The following AHR variants were observed in gnomAD, a reference collection of about 807,000 sequenced individuals.
AHR encodes the protein aryl hydrocarbon receptor.
A neutral mutation model predicts 86.8 loss-of-function variants in AHR; 40 were observed. The observed-to-expected ratio is 0.46, with a 90% CI of 0.36 to 0.60. AHR has a LOEUF of 0.60. AHR is among the 20% of genes least tolerant of loss of function. The probability of loss-of-function intolerance (pLI) is 0.00; values close to 1 mark genes in which losing one functional copy is unlikely to be tolerated. For synonymous variants in AHR, 398 were observed against 354.9 expected (o/e 1.12, Z -1.37); for missense variants, 1,001 against 1,011.6 (o/e 0.99, Z 0.14).
At chr7:17,302,814 T>C (rs930827213) in intron 1 of AHR, among the ~76,000 whole-genome samples, 1 of 151,210 alleles carries the variant, frequency 6.6e-6, no homozygotes, top group Non-Finnish European at 1.5e-5. Flanking sequence ...AAAAAAAATA[T>C]ATATATATAT....
chr7:17,302,985 C>T (rs1407463886), intron 1 of AHR, among the ~76,000 whole-genome samples: 2 of 151,984 alleles, frequency 1.3e-5, no homozygotes, highest in East Asian at 3.8e-4. Flanking sequence ...TGCTACTTCA[C>T]TGGTGAATAA....
Position 17,315,733 on chromosome 7 carries a change from G to T in AHR, c.253+5610G>T, listed in dbSNP as rs535198106. Among the ~76,000 whole-genome samples, 10 of 151,734 alleles carry T rather than the reference G, an allele frequency of 6.6e-5. No individual in the cohort carries two copies. In the South Asian group the frequency reaches 2.1e-3, roughly 32 times the overall value. On this transcript the variant is annotated intron_variant, in intron 2 of 10. Coordinates refer to ENST00000242057, the MANE Select transcript of AHR (RefSeq NM_001621.5). ...GAAATGTACACCTTCATGTTATAGTGTTTTATAAAACATATTCATATATAA... is the reference window on the plus strand; with the variant it reads ...GAAATGTACACCTTCATGTTATAGTTTTTTATAAAACATATTCATATATAA...
At chr7:17,309,201 G>A (rs946743264) in intron 1 of AHR, among the ~76,000 whole-genome samples, 1 of 152,074 alleles carries the variant, frequency 6.6e-6, no homozygotes. Context: ...TTAGGGTTCC[G>A]TTGAACTTTC....
At chr7:17,305,754 A>G (rs148839513) in intron 1 of AHR, among the ~76,000 whole-genome samples, 71 of 152,330 alleles carry the variant, frequency 4.7e-4, no homozygotes, top group Non-Finnish European at 9.8e-4. Flanking sequence ...AATGAATATT[A>G]TATAAAACAG....
chr7:17,338,403 T>C (rs202177658), intron 9 of AHR, among the ~76,000 whole-genome samples: 2 of 152,180 alleles, frequency 1.3e-5, no homozygotes, highest in East Asian at 1.9e-4. Flanking sequence ...TCACCTATGC[T>C]GGAATGCAGT....
rs1311206150 is a variant in AHR at position 17,342,973 on chromosome 7, A to G, written c.2456A>G (p.Asn819Ser). 6.2e-7 allele frequency: 1 copy of G among 1,613,534 alleles called. No homozygotes were observed. Among genetic ancestry groups the G allele is most frequent in the Non-Finnish European group, 8.5e-7 (1 of 1,179,574 alleles). ...ETYPAELNNINNTQTTTHLQP... is the reference protein window; with the variant it reads ...ETYPAELNNISNTQTTTHLQP... ...TATCCAGCTGAATTAAATAACATAA[A>G]TAACACTCAGACTACCACACATCTT... The change falls in exon 11 of 11, where the codon AAT (asparagine) becomes AGT (serine). Residue 819 changes from asparagine to serine, a missense_variant. Physicochemically the swap from Asn to Ser is conservative, Grantham distance 46. Around this residue, in one of 2 missense-constraint regions of AHR, gnomAD observed 607 missense variants for 543.1 expected, o/e 1.12. Transcript: ENST00000242057.
intron 4 of AHR, among the ~76,000 whole-genome samples, chr7:17,329,260 A>G (rs547207440): frequency 6.6e-6 from 1 of 152,086 alleles, no homozygotes; most frequent in South Asian, 2.1e-4. Context: ...TATAGAATAC[A>G]CAGTGTTATC....
chr7:17,299,416 C>T lies in AHR; in HGVS notation c.65+87C>T, dbSNP rs575322628. 5.6e-3 allele frequency: 8,106 copies of T among 1,451,294 alleles called. 35 individuals carry two copies. Among genetic ancestry groups the T allele is most frequent in the Non-Finnish European group, 6.6e-3 (7,007 of 1,065,452 alleles). The allele number at this position is 1,451,294 out of a possible 1,614,324, so 89.9% of individuals were successfully genotyped here. ...GGCAGCCCCACCCCGCCCCCAAATC[C>T]CTGCGATCCTGGGATTAGGTCCATT... is the stretch of plus-strand genomic sequence containing the variant. On this transcript the variant is annotated intron_variant, in intron 1 of 10. Transcript: ENST00000242057.
chr7:17,319,287 T>C (rs1782146515), intron 2 of AHR, among the ~76,000 whole-genome samples: 1 of 152,100 alleles, frequency 6.6e-6, no homozygotes, highest in South Asian at 2.1e-4. Context: ...GTACATGTTA[T>C]TTTAATCCTC....
chr7:17,339,955 A>C lies in AHR; in HGVS notation c.2130A>C (p.Gln710His), dbSNP rs762558104. 1.7e-5 allele frequency: 27 copies of C among 1,614,066 alleles called. No individual in the cohort carries two copies. Among genetic ancestry groups the C allele is most frequent in the Non-Finnish European group, 1.6e-5 (19 of 1,180,032 alleles). Residue 710 changes from glutamine to histidine, a missense_variant, in exon 10 of 11, where the codon CAA (glutamine) becomes CAC (histidine). By Grantham distance (24) the Gln-to-His change is conservative (BLOSUM62 0). Coordinates refer to ENST00000242057, the MANE Select transcript of AHR (RefSeq NM_001621.5). ...FISCNQPVLP[Q>H]HSKCTELDYP... ...CCTGTAATCAGCCTGTATTACCACAACATTCCAAATGTACAGAGCTGGACT... is the reference window on the plus strand; with the variant it reads ...CCTGTAATCAGCCTGTATTACCACACCATTCCAAATGTACAGAGCTGGACT...
rs553785497 is a variant in AHR, at chr7:17,298,889, C to G, written c.-376C>G. On this transcript the variant is annotated 5_prime_UTR_variant, in exon 1 of 11. Transcript: ENST00000242057. ...TCACGGGGCGCGGCGCCACCGTGAG[C>G]GACCCAGGCCAGGATTCTAAATAGA... is the stretch of plus-strand genomic sequence containing the variant. 3.4e-3 allele frequency: 1,360 copies of G among 398,528 alleles called. 12 individuals are homozygous for G. Among genetic ancestry groups the G allele is most frequent in the African/African-American group, 0.021 (1,015 of 48,646 alleles). The allele number at this position is 398,528 out of a possible 1,614,324, so 24.7% of individuals were successfully genotyped here.
chr7:17,310,141 A>C lies in AHR; in HGVS notation c.253+18A>C, dbSNP rs117645168. The C allele has an allele frequency of 3.7e-6, 6 of 1,602,000 alleles. No homozygotes were observed. The highest frequency in any genetic ancestry group is 5.1e-6 in the Non-Finnish European group (6 of 1,169,870). On this transcript the variant is annotated intron_variant, in intron 2 of 10. Transcript: ENST00000242057. ...CTTTGATGGTAAGACAGAAGGGTTTAATTTGTCTACAATAACGTATAAAAA... is the reference window on the plus strand; with the variant it reads ...CTTTGATGGTAAGACAGAAGGGTTTCATTTGTCTACAATAACGTATAAAAA...
rs1041199058 is a variant in AHR at position 17,298,966 on chromosome 7, G to A, written c.-299G>A. On this transcript the variant is annotated 5_prime_UTR_variant, in exon 1 of 11. Transcript: ENST00000242057. ...CCGCCTCACCTGCGGGCATTGCCGC[G>A]CCGCCTCCGCCGGTGTAGACGGCAC... The A allele has an allele frequency of 2.3e-6, 1 of 439,482 alleles. No homozygotes were observed. The highest frequency in any genetic ancestry group is 6.5e-5 in the South Asian group (1 of 15,352). 27.2% of individuals were successfully genotyped at this position (439,482 alleles called of 1,614,324 possible).
intron 1 of AHR, among the ~76,000 whole-genome samples, chr7:17,307,931 C>G (rs1277536315): frequency 6.6e-6 from 1 of 152,172 alleles, no homozygotes; most frequent in Non-Finnish European, 1.5e-5. Context: ...TCATTTTACT[C>G]ATGTCTGTCC....
intron 9 of AHR, among the ~76,000 whole-genome samples, chr7:17,337,040 A>C (rs1161535316): frequency 6.6e-6 from 1 of 152,052 alleles, no homozygotes; most frequent in Non-Finnish European, 1.5e-5. Flanking sequence ...ATCTTTTGCT[A>C]TCTTATTTTT....
chr7:17,338,528 A>T (rs2115369228), intron 9 of AHR, among the ~76,000 whole-genome samples: 1 of 151,640 alleles, frequency 6.6e-6, no homozygotes, highest in Non-Finnish European at 1.5e-5. Context: ...GCTAGTTTTT[A>T]TTTTTTTGTA....
In AHR at chr7:17,339,652, A is replaced by T; in HGVS notation, c.1827A>T (p.Ser609=). ...AGCAACAGTCCTTGGCTCTGAACTCAAGCTGTATGGTACAGGAACACCTAC... is the reference window on the plus strand; with the variant it reads ...AGCAACAGTCCTTGGCTCTGAACTCTAGCTGTATGGTACAGGAACACCTAC... ...YQQQQSLALN[S]SCMVQEHLHL... The change falls in exon 10 of 11, where the codon TCA becomes TCT. Residue 609 remains serine (S), a synonymous_variant. Coordinates refer to ENST00000242057, the MANE Select transcript of AHR (RefSeq NM_001621.5). The T allele has an allele frequency of 6.2e-7, 1 of 1,614,110 alleles. No homozygotes were observed. Among genetic ancestry groups the T allele is most frequent in the Non-Finnish European group, 8.5e-7 (1 of 1,180,024 alleles).
At chr7:17,317,118 T>TTTA (rs1313751240) in intron 2 of AHR, among the ~76,000 whole-genome samples, 1 of 148,974 alleles carries the variant, frequency 6.7e-6, no homozygotes, top group Non-Finnish European at 1.5e-5. Flanking sequence ...AGAATTTTGT[T>TTTA]TTTTTTTTTT....
intron 2 of AHR, among the ~76,000 whole-genome samples, chr7:17,318,093 T>C (rs917361682): frequency 6.6e-6 from 1 of 152,108 alleles, no homozygotes. Context: ...TTAATTGAAT[T>C]TATAGCAGCA....
Sources: gnomAD v4.1 joint callset for allele counts (sites outside exome capture counted in the v4.1 genomes callset) on GRCh38, gnomAD v4.1.1 for gene constraint, gnomAD v4.1.1 regional missense constraint, MANE v1.5 for transcripts, NCBI Gene and HGNC (gene_info 2026-07-23, HGNC 2026-07-21) for gene names.